DGKG: variants seen among roughly 807,000 people sequenced by gnomAD.
DGKG encodes diacylglycerol kinase gamma, also known as DAG kinase gamma.
Under a neutral mutation model 105.3 loss-of-function variants are expected in DGKG, and 78 were observed. That is an observed-to-expected ratio of 0.74 (90% CI 0.62 to 0.89). The LOEUF (loss-of-function observed/expected upper bound fraction) is 0.89. DGKG is among the 40% of genes least tolerant of loss of function. DGKG has a pLI of 0.00. For synonymous variants in DGKG, 346 were observed against 367.1 expected, an observed-to-expected ratio of 0.94 and a Z score of 0.66; for missense variants, 958 against 1,020.1, an observed-to-expected ratio of 0.94 and a Z score of 0.83.
At position 186,288,748 on chromosome 3, in the gene DGKG, G is replaced by A. The variant is rs781091064; in HGVS notation, c.506C>T (p.Ser169Phe). ...VYLKDVVCYL[S>F]LLETGRPQDK... ...CTGAGGCCTCCCCGTCTCCAGCAGG[G>A]ACAGGTAGCACACAACATCCTTCAG... is the stretch of plus-strand genomic sequence containing the variant. Residue 169 changes from serine (S) to phenylalanine (F), a missense_variant, in exon 6 of 25, where the codon TCC (serine) becomes TTC (phenylalanine). Coordinates refer to ENST00000265022, the MANE Select transcript of DGKG (RefSeq NM_001346.3). The A allele has an allele frequency of 6.2e-7, 1 of 1,614,164 alleles. No homozygotes were observed. Among genetic ancestry groups the A allele is most frequent in the East Asian group, 2.2e-5 (1 of 44,870 alleles).
At chr3:186,303,925 C>A (rs368338708) in intron 3 of DGKG, among the ~76,000 whole-genome samples, 1 of 152,184 alleles carries the variant, frequency 6.6e-6, no homozygotes, top group East Asian at 1.9e-4. Flanking sequence ...GAAATTAAAC[C>A]CTTCTTATTT....
chr3:186,219,441 T>C (rs1370709508), intron 20 of DGKG, among the ~76,000 whole-genome samples: 1 of 152,234 alleles, frequency 6.6e-6, no homozygotes, highest in Non-Finnish European at 1.5e-5. Context: ...GTGGCCCCTT[T>C]GGTTCAAGGG....
Position 186,320,608 on chromosome 3 carries a change from G to C in DGKG, c.-149C>G, listed in dbSNP as rs1470001656. On this transcript the variant is annotated 5_prime_UTR_variant, in exon 2 of 25. Transcript: ENST00000265022. ...TGGGAGCACTCAAGTGTATACAGCAGCAGCAGGCACCTCTCAGAAGATGAG... is the reference window on the plus strand; with the variant it reads ...TGGGAGCACTCAAGTGTATACAGCACCAGCAGGCACCTCTCAGAAGATGAG... 7.6e-7 allele frequency: 1 copy of C among 1,318,828 alleles called. No individual in the cohort carries two copies. The highest frequency in any genetic ancestry group is 1.0e-6 in the Non-Finnish European group (1 of 977,962). The allele number at this position is 1,318,828 out of a possible 1,614,324, so 81.7% of individuals were successfully genotyped here. A position where few individuals can be genotyped will look rare whatever the true frequency, so the allele number is the denominator to read the frequency against.
intron 3 of DGKG, among the ~76,000 whole-genome samples, chr3:186,299,985 G>T (rs757909123): frequency 2.0e-5 from 3 of 151,838 alleles, no homozygotes; most frequent in African/African-American, 7.2e-5. Flanking sequence ...TTACAGGCAC[G>T]TGCCACCATG....
At chr3:186,252,657 G>C (rs1180591563) in intron 18 of DGKG, among the ~76,000 whole-genome samples, 1 of 152,188 alleles carries the variant, frequency 6.6e-6, no homozygotes, top group African/African-American at 2.4e-5. Flanking sequence ...TGGAGATGTA[G>C]CATTTTGGTC....
intron 20 of DGKG, among the ~76,000 whole-genome samples, chr3:186,232,583 G>C (rs1345660081): frequency 6.6e-6 from 1 of 152,146 alleles, no homozygotes; most frequent in Non-Finnish European, 1.5e-5. Flanking sequence ...GTTTCTCCAT[G>C]ATGGGAATAT....
At chr3:186,168,576 G>GCCAGGATTA (rs1470765423) in intron 22 of DGKG, among the ~76,000 whole-genome samples, 2 of 152,074 alleles carry the variant, frequency 1.3e-5, no homozygotes, top group African/African-American at 4.8e-5. Flanking sequence ...GCCAGGCATG[G>GCCAGGATTA]TGGCTCACGC....
intron 5 of DGKG, among the ~76,000 whole-genome samples, chr3:186,290,989 A>AGAGT (rs767392346): frequency 7.2e-5 from 11 of 152,250 alleles, no homozygotes; most frequent in Non-Finnish European, 1.2e-4. Flanking sequence ...AATCATTGAT[A>AGAGT]GAGTATTCAG....
chr3:186,355,107 C>T (rs1018604197), intron 1 of DGKG, among the ~76,000 whole-genome samples: 7 of 134,634 alleles, frequency 5.2e-5, no homozygotes, highest in South Asian at 2.5e-4. Flanking sequence ...GTTAAGGAAG[C>T]CACTACTATC....
At position 186,320,728 on chromosome 3, in the gene DGKG, C is replaced by A; in HGVS notation, c.-248-21G>T. On this transcript the variant is annotated intron_variant, in intron 1 of 24. Transcript: ENST00000265022. Reference sequence around the variant, plus strand: ...TCTTCCTAGATAGAAGCAGAAAAGACATTGTAAATGAGAATGTTAAAAAAA... The same window carrying A: ...TCTTCCTAGATAGAAGCAGAAAAGAAATTGTAAATGAGAATGTTAAAAAAA... 2.6e-6 allele frequency: 1 copy of A among 385,418 alleles called. No homozygotes were observed. Among genetic ancestry groups the A allele is most frequent in the Admixed American group, 4.3e-5 (1 of 23,424 alleles). 23.9% of individuals were successfully genotyped at this position (385,418 alleles called of 1,614,324 possible).
At chr3:186,188,464 G>A in intron 21 of DGKG, 85 bp from the exon 22 acceptor site, 2 of 1,326,946 alleles carry the variant, frequency 1.5e-6, no homozygotes, top group Non-Finnish European at 2.1e-6. Context: ...GTGCGTGTGT[G>A]TGTGTGTACT....
chr3:186,270,256 G>A (rs1314072576), intron 11 of DGKG, among the ~76,000 whole-genome samples: 2 of 152,128 alleles, frequency 1.3e-5, no homozygotes, highest in African/African-American at 4.8e-5. Context: ...CACCCAAGTA[G>A]CTGGGACTAC....
At position 186,361,673 on chromosome 3, in the gene DGKG, C is replaced by T. The variant is rs1206048476; in HGVS notation, c.-249+273G>A. ...CTGCCTGGAGCAAGGCCGCCTCCCA[C>T]CCGCACAGCTTTGAGGCTTGAGGGG... On this transcript the variant is annotated intron_variant, in intron 1 of 24. Transcript: ENST00000265022. This position sits in a 1 kb window ranked among gnomAD's most constrained non-coding sequence, Gnocchi z 6.8. Among the ~76,000 whole-genome samples, 1 of 152,278 alleles carries T rather than the reference C, an allele frequency of 6.6e-6. No individual in the cohort carries two copies. Among genetic ancestry groups the T allele is most frequent in the African/African-American group, 2.4e-5 (1 of 41,480 alleles).
chr3:186,305,381 G>A (rs565738647), intron 3 of DGKG, among the ~76,000 whole-genome samples: 7 of 152,278 alleles, frequency 4.6e-5, no homozygotes, highest in African/African-American at 1.4e-4. Context: ...CTGAGGTTAC[G>A]GTGACACTGG....
At chr3:186,193,707 C>T (rs1224733568) in intron 21 of DGKG, among the ~76,000 whole-genome samples, 3 of 152,228 alleles carry the variant, frequency 2.0e-5, no homozygotes, top group Non-Finnish European at 4.4e-5. Context: ...CTAAATGGAA[C>T]GCCGGCCCCG....
intron 3 of DGKG, among the ~76,000 whole-genome samples, chr3:186,300,101 T>C (rs996673447): frequency 6.6e-6 from 1 of 152,078 alleles, no homozygotes; most frequent in Admixed American, 6.6e-5. Context: ...CTTCCCAAAG[T>C]GCTGGGATTA....
At chr3:186,321,828 C>A (rs1725091201) in intron 1 of DGKG, among the ~76,000 whole-genome samples, 2 of 152,160 alleles carry the variant, frequency 1.3e-5, no homozygotes, top group African/African-American at 4.8e-5. Flanking sequence ...CTTCCATTAA[C>A]CAGAATGCAT....
chr3:186,263,555 G>A (rs1434299963), intron 14 of DGKG, among the ~76,000 whole-genome samples: 1 of 151,268 alleles, frequency 6.6e-6, no homozygotes, highest in Non-Finnish European at 1.5e-5. Context: ...AGACAAGAGC[G>A]AAACCCCATC....
chr3:186,191,494 G>A (rs1358013974), intron 21 of DGKG, among the ~76,000 whole-genome samples: 3 of 152,128 alleles, frequency 2.0e-5, no homozygotes, highest in African/African-American at 4.8e-5. Flanking sequence ...GGATTCAAAT[G>A]TGTGTGTGTG....
Sources: allele counts gnomAD v4.1 joint callset (sites outside exome capture counted in the v4.1 genomes callset), GRCh38; gene constraint gnomAD v4.1.1; non-coding constraint Gnocchi (gnomAD v3.1); transcripts MANE v1.5; gene names NCBI Gene and HGNC (gene_info 2026-07-23, HGNC 2026-07-21).